PKD1: variants seen among roughly 807,000 people sequenced by gnomAD.
PKD1 encodes the protein polycystin-1.
A neutral mutation model predicts 361.7 loss-of-function variants in PKD1; 81 were observed. The observed-to-expected ratio is 0.22, with a 90% CI of 0.19 to 0.27. The LOEUF is 0.27. Among genes scored for constraint, PKD1 ranks in the 10% least tolerant of loss-of-function variants. PKD1 has a pLI of 1.00. For synonymous variants in PKD1, 3,615 were observed against 2,818.3 expected, an observed-to-expected ratio of 1.28 and a Z score of -8.95; for missense variants, 6,399 against 6,118.3, an observed-to-expected ratio of 1.05 and a Z score of -1.53.
Position 2,110,779 on chromosome 16 carries a change from T to C in PKD1, c.4388A>G (p.Gln1463Arg). 4.3e-6 allele frequency: 7 copies of C among 1,610,994 alleles called. No individual in the cohort carries two copies. Among genetic ancestry groups the C allele is most frequent in the Non-Finnish European group, 5.9e-6 (7 of 1,179,822 alleles). Residue 1463 changes from glutamine (Q) to arginine (R), a missense_variant, in exon 15 of 46, where the codon CAG becomes CGG. Gln to Arg is a conservative substitution (Grantham distance 43). Transcript: ENST00000262304. ...AANDSALVEV[Q>R]EPVLVTSIKV... ...GATGCTGGTGACCAGCACGGGCTCCTGCACCTCCACCAGGGCTGAGTCATT... is the reference window on the plus strand; with the variant it reads ...GATGCTGGTGACCAGCACGGGCTCCCGCACCTCCACCAGGGCTGAGTCATT...
At chr16:2,115,841 G>C (rs750050185) in intron 9 of PKD1, 151 bp downstream of exon 9, 1 of 1,015,584 alleles carries the variant, frequency 9.8e-7, no homozygotes, top group African/African-American at 1.6e-5. Context: ...AGGACACCTG[G>C]AATGAGCTGG....
chr16:2,089,640 C>T lies in PKD1; in HGVS notation c.*87G>A. 2.7e-6 allele frequency: 4 copies of T among 1,487,348 alleles called. No homozygotes were observed. The highest frequency in any genetic ancestry group is 3.6e-6 in the Non-Finnish European group (4 of 1,096,240). 92.1% of individuals were successfully genotyped at this position (1,487,348 alleles called of 1,614,324 possible). A position where few individuals can be genotyped will look rare whatever the true frequency, so the allele number is the denominator to read the frequency against. On this transcript the variant is annotated 3_prime_UTR_variant, in exon 46 of 46. Transcript: ENST00000262304. Reference sequence around the variant, plus strand: ...GGGGAACCTACGTGCAGCCATTCTGCCTGGCCCTCGGCCTTGACAGCGGCA... The same window carrying T: ...GGGGAACCTACGTGCAGCCATTCTGTCTGGCCCTCGGCCTTGACAGCGGCA...
rs534696523 is a variant in PKD1 at position 2,104,493 on chromosome 16, G to A, written c.8161+5C>T. 2.3e-4 allele frequency: 350 copies of A among 1,517,210 alleles called. 1 individual carries two copies. The highest frequency in any genetic ancestry group is 9.3e-4 in the Admixed American group (48 of 51,838). The allele number at this position is 1,517,210 out of a possible 1,614,324, so 94.0% of individuals were successfully genotyped here. On this transcript the variant is annotated splice_donor_5th_base_variant and intron_variant, in intron 22 of 45. Coordinates refer to ENST00000262304, the MANE Select transcript of PKD1 (RefSeq NM_001009944.3). ...GCGGGTGGCATGGGGCACGGGCCGCGGCACCTGTGATGTTGAGGATGCTGT... is the reference window on the plus strand; with the variant it reads ...GCGGGTGGCATGGGGCACGGGCCGCAGCACCTGTGATGTTGAGGATGCTGT...
chr16:2,107,188 G>A, intron 16 of PKD1: 1 of 579,266 alleles, frequency 1.7e-6, no homozygotes, highest in East Asian at 3.0e-5. Flanking sequence ...GACCCAGCTG[G>A]ACCCTAGCAG....
chr16:2,103,609 C>A lies in PKD1; in HGVS notation c.8448G>T (p.Leu2816=), dbSNP rs1289189391. 1 of 1,610,468 alleles carries A rather than the reference C, an allele frequency of 6.2e-7. No homozygotes were observed. Among genetic ancestry groups the A allele is most frequent in the Admixed American group, 1.7e-5 (1 of 60,014 alleles). The change falls in exon 23 of 46, where the codon CTG becomes CTT. Residue 2816 remains leucine (L), a synonymous_variant. Coordinates refer to ENST00000262304, the MANE Select transcript of PKD1 (RefSeq NM_001009944.3). ...FSIPEAFSGA[L]ANLSDVVQLI... is the part of the protein sequence containing the mutation. ...GCTGCACCACGTCACTGAGGTTGGC[C>A]AGGGCCCCGCTGAAAGCCTCGGGGA... is the stretch of plus-strand genomic sequence containing the variant.
rs754889452 is a variant in PKD1, at chr16:2,118,219, G to A, written c.773C>T (p.Thr258Ile). Residue 258 changes from threonine to isoleucine, a missense_variant, in exon 5 of 46, where the codon ACC becomes ATC. Transcript: ENST00000262304. The surrounding 1 kb of genome is among the most constrained non-coding windows in gnomAD (Gnocchi z 6.0). ...CTGGAGGAGGGTGGGGCCCCTACAG[G>A]TGGGGGCAGGAGGTGGCGGGGGGCC... is the stretch of plus-strand genomic sequence containing the variant. The part of the protein sequence containing the change: ...CSGPPPPPAP[T>I]CRGPTLLQHV... 18 of 1,534,208 alleles carry A rather than the reference G, an allele frequency of 1.2e-5. No homozygotes were observed. The highest frequency in any genetic ancestry group is 1.4e-5 in the Non-Finnish European group (16 of 1,142,762).
chr16:2,092,766 G>T, intron 38 of PKD1, 174 bp from the exon 39 acceptor site: 3 of 839,764 alleles, frequency 3.6e-6, no homozygotes, highest in Non-Finnish European at 4.0e-6. Context: ...TCTGTCATGG[G>T]CCCGTCCTGT....
chr16:2,120,025 A>C, intron 1 of PKD1: 1 of 593,756 alleles, frequency 1.7e-6, no homozygotes, highest in Non-Finnish European at 3.0e-6. Flanking sequence ...CACCCTGGGC[A>C]ACACAGTGAG....
chr16:2,126,525 A>AG (rs1382297845), intron 1 of PKD1, among the ~76,000 whole-genome samples: 1 of 152,256 alleles, frequency 6.6e-6, no homozygotes, highest in East Asian at 1.9e-4. Context: ...AGCCATGAAG[A>AG]GCGAGGTGTT....
In PKD1 at chr16:2,108,272, C is replaced by T. The variant is rs2092411770; in HGVS notation, c.6895G>A (p.Ala2299Thr). Residue 2299 changes from alanine (A) to threonine (T), a missense_variant, in exon 15 of 46, where the codon GCC becomes ACC. Physicochemically the swap from Ala to Thr is moderately conservative, Grantham distance 58. Transcript: ENST00000262304. ...GDQTPLSFHW[A>T]CVASTQREAG... is the part of the protein sequence containing the mutation. ...CTGACCTGTGTCGAAGCCACACAGGCCCAGTGGAAACTGAGCGGCGTCTGG... is the reference window on the plus strand; with the variant it reads ...CTGACCTGTGTCGAAGCCACACAGGTCCAGTGGAAACTGAGCGGCGTCTGG... 3 of 1,601,442 alleles carry T rather than the reference C, an allele frequency of 1.9e-6. No homozygotes were observed. Among genetic ancestry groups the T allele is most frequent in the African/African-American group, 2.7e-5 (2 of 74,724 alleles).
intron 1 of PKD1, chr16:2,120,325 A>G (rs35211250): frequency 2.6e-5 from 4 of 156,710 alleles, no homozygotes; most frequent in African/African-American, 9.6e-5. Flanking sequence ...TAGAAAACAA[A>G]CTACAATCTC....
At position 2,114,539 on chromosome 16, in the gene PKD1, G is replaced by A. The variant is rs1402606705; in HGVS notation, c.2484C>T (p.Tyr828=). ...AGAGGCGGCCGTCGCGGGGGGCAGGGTAGATGACCCGCAGCCCAGCCACTG... is the reference window on the plus strand; with the variant it reads ...AGAGGCGGCCGTCGCGGGGGGCAGGATAGATGACCCGCAGCCCAGCCACTG... The part of the protein sequence containing the change: ...VSPVAGLRVI[Y]PAPRDGRLYV... Residue 828 remains tyrosine, a synonymous_variant, in exon 11 of 46, where the codon TAC becomes TAT. Coordinates refer to ENST00000262304, the MANE Select transcript of PKD1 (RefSeq NM_001009944.3). 7 of 1,594,380 alleles carry A rather than the reference G, an allele frequency of 4.4e-6. No homozygotes were observed. The South Asian group carries it at 6.6e-5, about 15-fold the overall frequency.
rs774380115 is a variant in PKD1 at position 2,099,980 on chromosome 16, G to A, written c.9804C>T (p.Asp3268=). Reference sequence around the variant, plus strand: ...GAGTGAAACGGCTACGAGGCGGCCGGTCCCATATGGAGAGCCAGATGTGCT... The same window carrying A: ...GAGTGAAACGGCTACGAGGCGGCCGATCCCATATGGAGAGCCAGATGTGCT... ...FDKHIWLSIW[D]RPPRSRFTRI... Residue 3268 remains aspartate, a synonymous_variant, in exon 29 of 46, where the codon GAC becomes GAT. Coordinates refer to ENST00000262304, the MANE Select transcript of PKD1 (RefSeq NM_001009944.3). 1.9e-6 allele frequency: 3 copies of A among 1,563,386 alleles called. No individual in the cohort carries two copies. Among genetic ancestry groups the A allele is most frequent in the South Asian group, 2.3e-5 (2 of 85,716 alleles).
intron 1 of PKD1, among the ~76,000 whole-genome samples, chr16:2,133,598 G>C (rs1195008440): frequency 6.6e-6 from 1 of 152,028 alleles, no homozygotes; most frequent in African/African-American, 2.4e-5. Flanking sequence ...ACAGCACAGA[G>C]GGTGGCCTGG....
Position 2,110,528 on chromosome 16 carries a change from G to A in PKD1, c.4639C>T (p.Arg1547Cys), listed in dbSNP as rs1487713442. Reference sequence around the variant, plus strand: ...GCATTGACGACGAGCCCCCGCACGCGCCGCTTCACCGTCACATTGAGCCAG... The same window carrying A: ...GCATTGACGACGAGCCCCCGCACGCACCGCTTCACCGTCACATTGAGCCAG... Reference protein sequence around the residue: ...EAWLNVTVKRRVRGLVVNASR... With the variant: ...EAWLNVTVKRCVRGLVVNASR... Residue 1547 changes from arginine (R) to cysteine (C), a missense_variant, in exon 15 of 46, where the codon CGC becomes TGC. Transcript: ENST00000262304. 53 of 1,611,432 alleles carry A rather than the reference G, an allele frequency of 3.3e-5. No individual in the cohort carries two copies. Among genetic ancestry groups the A allele is most frequent in the East Asian group, 1.6e-4 (7 of 44,870 alleles).
In PKD1 at chr16:2,103,373, T is replaced by A. The variant is rs1219270797; in HGVS notation, c.8684A>T (p.Asn2895Ile). ...RGHRSSANSA[N>I]SVVVQPQASV... ...GGCCTGGGGCTGGACCACAACGGAGTTGGCGGAGTTGGCGGAGCTGCGGTG... is the reference window on the plus strand; with the variant it reads ...GGCCTGGGGCTGGACCACAACGGAGATGGCGGAGTTGGCGGAGCTGCGGTG... Residue 2895 changes from asparagine to isoleucine, a missense_variant, in exon 23 of 46, where the codon AAC (asparagine) becomes ATC (isoleucine). Physicochemically the swap from Asn to Ile is moderately radical, Grantham distance 149. Coordinates refer to ENST00000262304, the MANE Select transcript of PKD1 (RefSeq NM_001009944.3). 1 of 1,600,798 alleles carries A rather than the reference T, an allele frequency of 6.2e-7. No homozygotes were observed. The highest frequency in any genetic ancestry group is 8.5e-7 in the Non-Finnish European group (1 of 1,179,246).
chr16:2,090,139 C>G lies in PKD1; in HGVS notation c.12500G>C (p.Arg4167Thr), dbSNP rs774316162. 6.3e-7 allele frequency: 1 copy of G among 1,596,634 alleles called. No individual in the cohort carries two copies. The highest frequency in any genetic ancestry group is 8.5e-7 in the Non-Finnish European group (1 of 1,170,560). The change falls in exon 46 of 46, where the codon AGG becomes ACG. Residue 4167 changes from arginine to threonine, a missense_variant. By Grantham distance (71) the Arg-to-Thr change is moderately conservative. Coordinates refer to ENST00000262304, the MANE Select transcript of PKD1 (RefSeq NM_001009944.3). The stretch of plus-strand genomic sequence containing the variant: ...CACATCCGGGGATACCTTGGAGCCC[C>G]TGGAGGAGCGAGAGGGCAGCGGCTC... ...GMEPLPSRSS[R>T]GSKVSPDVPP...
chr16:2,088,952 A>C lies in PKD1; in HGVS notation c.*775T>G. ...CCCCCAGGAGGAGTCTTTTCCTCTA[A>C]CCACCCTGGGGTCCTCTGACATGCC... On this transcript the variant is annotated 3_prime_UTR_variant, in exon 46 of 46. Transcript: ENST00000262304. The C allele has an allele frequency of 6.0e-6, 2 of 331,994 alleles. No homozygotes were observed. The highest frequency in any genetic ancestry group is 6.0e-5 in the East Asian group (1 of 16,578). The allele number at this position is 331,994 out of a possible 1,614,324, so 20.6% of individuals were successfully genotyped here.
Position 2,090,357 on chromosome 16 carries a change from G to A in PKD1, c.12372C>T (p.Pro4124=). ...ACAACTCCACCATCTCGTAGTCCTG[G>A]GGCTCCCAGGCCGGCCGGTACAGCT... The part of the protein sequence containing the change: ...RGELYRPAWE[P]QDYEMVELFL... The change falls in exon 45 of 46, where the codon CCC becomes CCT. Residue 4124 remains proline, a synonymous_variant. Transcript: ENST00000262304. 1.2e-6 allele frequency: 2 copies of A among 1,612,610 alleles called. No individual in the cohort carries two copies. The highest frequency in any genetic ancestry group is 1.7e-6 in the Non-Finnish European group (2 of 1,179,892).
Sources: allele counts gnomAD v4.1 joint callset (sites outside exome capture counted in the v4.1 genomes callset), GRCh38; gene constraint gnomAD v4.1.1; non-coding constraint Gnocchi (gnomAD v3.1); transcripts MANE v1.5; gene names NCBI Gene and HGNC (gene_info 2026-07-23, HGNC 2026-07-21).